The following SAMMSON variants were observed in gnomAD, a reference collection of about 807,000 sequenced individuals.
The protein encoded by SAMMSON is long intergenic non-protein coding RNA 1212.
chr3:70,358,055 G>T (rs954313557), intron 8 of SAMMSON, among the ~76,000 whole-genome samples: 8 of 152,072 alleles, frequency 5.3e-5, no homozygotes, highest in African/African-American at 1.4e-4. Flanking sequence ...CCCAAGAAAT[G>T]ACTGTTAAAT....
At chr3:70,125,901 T>A in intron 4 of SAMMSON, 1 of 697,516 alleles carries the variant, frequency 1.4e-6, no homozygotes, top group South Asian at 1.5e-5. Flanking sequence ...CTTCACTAGA[T>A]AATTCCTCAT....
intron 4 of SAMMSON, among the ~76,000 whole-genome samples, chr3:70,132,160 T>G (rs1343923132): frequency 6.6e-6 from 1 of 152,144 alleles, no homozygotes. Flanking sequence ...TTTGAAAGAC[T>G]GGGTCCTCCA....
At chr3:70,027,884 C>G (rs540952556) in intron 3 of SAMMSON, among the ~76,000 whole-genome samples, 5 of 152,152 alleles carry the variant, frequency 3.3e-5, no homozygotes, top group South Asian at 2.1e-4. Context: ...TTTTCGGGCC[C>G]CAGCAAAGAA....
rs201598146 is a variant in SAMMSON, at chr3:70,317,898, TG to T, written n.739+26656del. Among the ~76,000 whole-genome samples the T allele has an allele frequency of 8.3e-3, 1,264 of 152,014 alleles. 13 individuals carry two copies. The highest frequency in any genetic ancestry group is 0.029 in the African/African-American group (1,195 of 41,530). ...AATGTCTTTAGTTCACTATCATCTG[TG>T]AAGGATATTTATGCTGAATATAGAA... On this transcript the variant is annotated intron_variant and non_coding_transcript_variant, in intron 7 of 9. Transcript: ENST00000642114.
intron 6 of SAMMSON, among the ~76,000 whole-genome samples, chr3:70,265,120 C>A (rs566546690): frequency 5.3e-5 from 8 of 152,268 alleles, no homozygotes; most frequent in African/African-American, 1.9e-4. Flanking sequence ...GGGTCCCTCC[C>A]ATGACATGTG....
At chr3:70,294,267 A>T (rs558246567) in intron 7 of SAMMSON, among the ~76,000 whole-genome samples, 3,025 of 152,262 alleles carry the variant, frequency 0.02, 35 homozygotes, top group Non-Finnish European at 0.03. Context: ...TTCTTTATAA[A>T]ACATTTTCTT....
At chr3:70,362,664 GTGTA>G (rs904937754) in intron 9 of SAMMSON, among the ~76,000 whole-genome samples, 2 of 151,978 alleles carry the variant, frequency 1.3e-5, no homozygotes, top group Non-Finnish European at 2.9e-5. Flanking sequence ...GTGTGTATGT[GTGTA>G]TGTATGTATA....
intron 3 of SAMMSON, among the ~76,000 whole-genome samples, chr3:70,070,730 T>C (rs1210699294): frequency 1.3e-5 from 2 of 152,084 alleles, no homozygotes; most frequent in Non-Finnish European, 2.9e-5. Context: ...TCTTGATTTT[T>C]CTATGTATTT....
chr3:70,083,096 A>G (rs1353736572), intron 4 of SAMMSON, among the ~76,000 whole-genome samples: 1 of 152,216 alleles, frequency 6.6e-6, no homozygotes, highest in Non-Finnish European at 1.5e-5. Context: ...TCAGACCCCA[A>G]GGACTTTTGT....
At chr3:70,145,793 G>C (rs973412484) in intron 4 of SAMMSON, among the ~76,000 whole-genome samples, 1 of 150,056 alleles carries the variant, frequency 6.7e-6, no homozygotes, top group Non-Finnish European at 1.5e-5. Context: ...TAAGAAACTA[G>C]AAAAAAAGAG....
intron 3 of SAMMSON, among the ~76,000 whole-genome samples, chr3:70,037,761 A>G (rs2067091735): frequency 6.6e-6 from 1 of 152,172 alleles, no homozygotes; most frequent in Admixed American, 6.6e-5. Flanking sequence ...GAGCTGGAAT[A>G]CACCCTTAGA....
chr3:70,337,827 TG>T (rs1184165928), intron 7 of SAMMSON, among the ~76,000 whole-genome samples: 3 of 151,956 alleles, frequency 2.0e-5, no homozygotes, highest in Non-Finnish European at 2.9e-5. Flanking sequence ...TAATTACTTT[TG>T]GTTTTATATT....
chr3:70,270,732 G>T (rs1284293532), intron 6 of SAMMSON, among the ~76,000 whole-genome samples: 3 of 152,162 alleles, frequency 2.0e-5, no homozygotes, highest in Non-Finnish European at 4.4e-5. Context: ...CATGTCCTTT[G>T]CCAGGACACG....
chr3:70,090,865 C>T (rs1464822645), intron 4 of SAMMSON, among the ~76,000 whole-genome samples: 1 of 151,604 alleles, frequency 6.6e-6, no homozygotes, highest in African/African-American at 2.4e-5. Context: ...CTGCCTGAAT[C>T]TTAGGCTTAA....
At chr3:70,103,165 G>A (rs1328524278) in intron 4 of SAMMSON, among the ~76,000 whole-genome samples, 1 of 152,060 alleles carries the variant, frequency 6.6e-6, no homozygotes, top group Admixed American at 6.6e-5. Flanking sequence ...GCAGGCCCAC[G>A]GTTACCTGAG....
intron 4 of SAMMSON, among the ~76,000 whole-genome samples, chr3:70,234,944 T>G (rs1701593509): frequency 6.6e-6 from 1 of 152,170 alleles, no homozygotes; most frequent in Non-Finnish European, 1.5e-5. Context: ...CCTGATTTAT[T>G]TGGTCTGGAG....
chr3:70,012,290 G>A (rs1268948530), intron 1 of SAMMSON: 1 of 152,114 alleles, frequency 6.6e-6, no homozygotes, highest in East Asian at 1.9e-4. Context: ...ACAAGGGAAA[G>A]TGGACTTTGT....
At chr3:70,016,304 C>G (rs1334424314) in intron 3 of SAMMSON, among the ~76,000 whole-genome samples, 2 of 152,154 alleles carry the variant, frequency 1.3e-5, no homozygotes, top group Non-Finnish European at 1.5e-5. Flanking sequence ...TTGCATTTCT[C>G]TGATGGCCAG....
At chr3:70,315,938 A>G (rs1030733776) in intron 7 of SAMMSON, among the ~76,000 whole-genome samples, 2 of 152,140 alleles carry the variant, frequency 1.3e-5, no homozygotes, top group African/African-American at 2.4e-5. Flanking sequence ...AAAATAATGA[A>G]CTAAATAATT....
Sources: allele counts gnomAD v4.1 joint callset (sites outside exome capture counted in the v4.1 genomes callset), GRCh38; gene constraint gnomAD v4.1.1; transcripts MANE v1.5; gene names NCBI Gene and HGNC (gene_info 2026-07-23, HGNC 2026-07-21).